The following BACH2 variants were observed in gnomAD, a reference collection of about 807,000 sequenced individuals.
BACH2 encodes the protein BACH transcriptional regulator 2.
Under a neutral mutation model 61.8 loss-of-function variants are expected in BACH2, and 5 were observed. The ratio of observed to expected loss-of-function variants is 0.08; its 90% CI spans 0.04 to 0.17. BACH2 has a LOEUF of 0.17. Ranked by LOEUF, BACH2 falls within the 10% of genes least tolerant of loss-of-function variation. The pLI is 1.00. For synonymous variants in BACH2, 446 were observed against 440.1 expected (o/e 1.01, Z -0.17); for missense variants, 824 against 1,091.1 (o/e 0.76, Z 3.45).
chr6:90,163,649 A>C (rs1462166468), intron 4 of BACH2, among the ~76,000 whole-genome samples: 1 of 152,214 alleles, frequency 6.6e-6, no homozygotes, highest in East Asian at 1.9e-4. Context: ...AAGATACTAT[A>C]CATTCCCATC....
chr6:89,951,328 C>G lies in BACH2; in HGVS notation c.778G>C (p.Asp260His). 7 of 1,614,224 alleles carry G rather than the reference C, an allele frequency of 4.3e-6. No homozygotes were observed. Among genetic ancestry groups the G allele is most frequent in the Non-Finnish European group, 5.1e-6 (6 of 1,180,038 alleles). The change falls in exon 7 of 9, where the codon GAT becomes CAT. Residue 260 changes from aspartate (D) to histidine (H), a missense_variant. Coordinates refer to ENST00000257749, the MANE Select transcript of BACH2 (RefSeq NM_021813.4). The surrounding 1 kb of genome is among the most constrained non-coding windows in gnomAD (Gnocchi z 6.4). ...GGCTTGAGGCTGTTGCTAGAGTTAT[C>G]TTCCCGGAATGTGCTTGCAAAACCT... ...TSGFASTFRE[D>H]NSSNSLKPGL...
In BACH2 at chr6:90,147,056, A is replaced by C. The variant is rs148237968; in HGVS notation, c.-161-57947T>G. Among the ~76,000 whole-genome samples, 337 of 152,356 alleles carry C rather than the reference A, an allele frequency of 2.2e-3. 1 individual carries two copies. Among genetic ancestry groups the C allele is most frequent in the Admixed American group, 6.1e-3 (94 of 15,304 alleles). On this transcript the variant is annotated intron_variant, in intron 4 of 8. Coordinates refer to ENST00000257749, the MANE Select transcript of BACH2 (RefSeq NM_021813.4). ...TTCCCGAAAGGGTAGAATATGGCAGAAACAGTAAGTACCAAACCCAGCAAA... is the reference window on the plus strand; with the variant it reads ...TTCCCGAAAGGGTAGAATATGGCAGCAACAGTAAGTACCAAACCCAGCAAA...
At chr6:90,295,381 C>G (rs1409163233) in intron 1 of BACH2, among the ~76,000 whole-genome samples, 1 of 152,218 alleles carries the variant, frequency 6.6e-6, no homozygotes, top group Admixed American at 6.5e-5. Flanking sequence ...CGGCCCTGCA[C>G]GCTTCCCCTC....
At chr6:90,236,962 C>T (rs886774025) in intron 3 of BACH2, among the ~76,000 whole-genome samples, 3 of 151,954 alleles carry the variant, frequency 2.0e-5, no homozygotes, top group East Asian at 1.9e-4. Flanking sequence ...CTCTCTCTGT[C>T]GCCCAGGCTG....
intron 5 of BACH2, among the ~76,000 whole-genome samples, chr6:90,038,857 T>C (rs891181859): frequency 1.3e-5 from 2 of 151,684 alleles, no homozygotes; most frequent in Non-Finnish European, 1.5e-5. Flanking sequence ...GCCGACATGG[T>C]GAAACCCTGT....
At chr6:89,967,262 C>T (rs1775096445) in intron 6 of BACH2, among the ~76,000 whole-genome samples, 1 of 152,152 alleles carries the variant, frequency 6.6e-6, no homozygotes, top group Non-Finnish European at 1.5e-5. Flanking sequence ...GGGAAAACAC[C>T]TTTTCTCCTA....
chr6:90,088,394 A>T (rs1782020623), intron 5 of BACH2, among the ~76,000 whole-genome samples: 1 of 152,212 alleles, frequency 6.6e-6, no homozygotes, highest in South Asian at 2.1e-4. Context: ...GGCTGGTACT[A>T]GCAGCTCTGG....
rs1774092954 is a variant in BACH2, at chr6:89,951,292, T to C, written c.814A>G (p.Arg272Gly). The C allele has an allele frequency of 2.5e-6, 4 of 1,614,256 alleles. No individual in the cohort carries two copies. Among genetic ancestry groups the C allele is most frequent in the Non-Finnish European group, 3.4e-6 (4 of 1,180,048 alleles). Residue 272 changes from arginine to glycine, a missense_variant, in exon 7 of 9, where the codon AGG becomes GGG. Physicochemically the swap from Arg to Gly is moderately radical, Grantham distance 125. Transcript: ENST00000257749. This position sits in a 1 kb window ranked among gnomAD's most constrained non-coding sequence, Gnocchi z 6.4. Reference sequence around the variant, plus strand: ...GGCGGCTCACTTTTAATCTGCCCCCTGGCAAGCCCCGGCTTGAGGCTGTTG... The same window carrying C: ...GGCGGCTCACTTTTAATCTGCCCCCCGGCAAGCCCCGGCTTGAGGCTGTTG... ...SSNSLKPGLA[R>G]GQIKSEPPSE... is the part of the protein sequence containing the mutation.
intron 4 of BACH2, among the ~76,000 whole-genome samples, chr6:90,115,373 CT>C (rs1235175705): frequency 6.6e-6 from 1 of 152,088 alleles, no homozygotes; most frequent in Non-Finnish European, 1.5e-5. Flanking sequence ...GGCCACACAT[CT>C]ATGACCATCT....
chr6:89,989,992 T>A (rs1776456680), intron 6 of BACH2, among the ~76,000 whole-genome samples: 1 of 152,102 alleles, frequency 6.6e-6, no homozygotes, highest in Non-Finnish European at 1.5e-5. Flanking sequence ...TGAAATTTAG[T>A]CACATGTCAG....
chr6:90,211,125 T>TC, intron 3 of BACH2, among the ~76,000 whole-genome samples: 1 of 14,684 alleles, frequency 6.8e-5, no homozygotes, highest in Non-Finnish European at 1.4e-4. Context: ...AGACTCCATC[T>TC]CAAAAAAAAA....
intron 5 of BACH2, among the ~76,000 whole-genome samples, chr6:90,083,099 T>G (rs1469442460): frequency 6.6e-6 from 1 of 152,162 alleles, no homozygotes; most frequent in Non-Finnish European, 1.5e-5. Context: ...TCTTACAAGA[T>G]CTAGCTAATG....
At chr6:89,975,503 T>C (rs1490401909) in intron 6 of BACH2, among the ~76,000 whole-genome samples, 1 of 152,236 alleles carries the variant, frequency 6.6e-6, no homozygotes, top group African/African-American at 2.4e-5. Context: ...ATCTTTGCAA[T>C]TTTGCTCAAG....
intron 5 of BACH2, among the ~76,000 whole-genome samples, chr6:90,079,258 G>A (rs1046877585): frequency 1.3e-5 from 2 of 152,146 alleles, no homozygotes; most frequent in African/African-American, 2.4e-5. Flanking sequence ...GGGCAGGCGT[G>A]TGCTCATCCT....
intron 5 of BACH2, among the ~76,000 whole-genome samples, chr6:90,015,773 G>T (rs1778026904): frequency 6.6e-6 from 1 of 152,130 alleles, no homozygotes; most frequent in South Asian, 2.1e-4. Context: ...TATCAATTAG[G>T]TTAAGTTGTA....
chr6:90,109,449 C>T (rs1007278784), intron 4 of BACH2, among the ~76,000 whole-genome samples: 1 of 152,096 alleles, frequency 6.6e-6, no homozygotes, highest in Non-Finnish European at 1.5e-5. Flanking sequence ...CTTGGAGCTC[C>T]ATCCACGGAC....
chr6:90,016,324 C>T (rs1778057047), intron 5 of BACH2, among the ~76,000 whole-genome samples: 2 of 152,054 alleles, frequency 1.3e-5, no homozygotes, highest in African/African-American at 4.8e-5. Context: ...TCTATTTGTT[C>T]TTTATTCTCT....
chr6:89,933,409 G>C (rs1011446432), intron 8 of BACH2, among the ~76,000 whole-genome samples: 5 of 152,142 alleles, frequency 3.3e-5, no homozygotes, highest in African/African-American at 1.2e-4. Context: ...GAGCACAGAG[G>C]ATTTGGGGGC....
intron 5 of BACH2, among the ~76,000 whole-genome samples, chr6:90,020,982 G>A (rs1220697894): frequency 6.6e-6 from 1 of 152,108 alleles, no homozygotes; most frequent in Admixed American, 6.6e-5. Context: ...CTTTCCAAAG[G>A]TTCTGATTTG....
Sources: gnomAD v4.1 joint callset for allele counts (sites outside exome capture counted in the v4.1 genomes callset) on GRCh38, gnomAD v4.1.1 for gene constraint, Gnocchi (gnomAD v3.1) non-coding constraint, MANE v1.5 for transcripts, NCBI Gene and HGNC (gene_info 2026-07-23, HGNC 2026-07-21) for gene names.